Variants in SLC12A6 observed in about 807,000 individuals in gnomAD.
SLC12A6 encodes solute carrier family 12 member 6.
Under a neutral mutation model 135.3 loss-of-function variants are expected in SLC12A6, and 66 were observed. That is an observed-to-expected ratio of 0.49 (90% CI 0.40 to 0.60). The LOEUF (loss-of-function observed/expected upper bound fraction) is 0.60. Among genes scored for constraint, SLC12A6 ranks in the 20% least tolerant of loss-of-function variants. SLC12A6 has a pLI of 0.00. For missense variants in SLC12A6, 1,058 were observed against 1,452.3 expected, an observed-to-expected ratio of 0.73 and a Z score of 4.41; for synonymous variants, 513 against 508.8, an observed-to-expected ratio of 1.01 and a Z score of -0.11.
chr15:34,262,286 T>G (rs936035974), intron 3 of SLC12A6, among the ~76,000 whole-genome samples: 2 of 152,188 alleles, frequency 1.3e-5, no homozygotes, highest in African/African-American at 4.8e-5. Flanking sequence ...CACAAACCAA[T>G]GAGCATACAC....
chr15:34,264,573 C>T (rs1893365646), intron 3 of SLC12A6, among the ~76,000 whole-genome samples: 1 of 152,120 alleles, frequency 6.6e-6, no homozygotes, highest in African/African-American at 2.4e-5. Flanking sequence ...CAACTAATTG[C>T]AAATGAACAT....
At chr15:34,255,586 C>T (rs1892694358) in intron 7 of SLC12A6, among the ~76,000 whole-genome samples, 194 bp from the exon 8 acceptor site, 1 of 151,992 alleles carries the variant, frequency 6.6e-6, no homozygotes. Context: ...TACTGCACAA[C>T]TAATGTAATG....
At chr15:34,242,622 T>G (rs1891717779) in intron 16 of SLC12A6, among the ~76,000 whole-genome samples, 1 of 152,200 alleles carries the variant, frequency 6.6e-6, no homozygotes. Flanking sequence ...AAAGCCAGGA[T>G]GGGACACGCA....
At chr15:34,332,365 T>C (rs1190408254) in intron 2 of SLC12A6, among the ~76,000 whole-genome samples, 1 of 152,234 alleles carries the variant, frequency 6.6e-6, no homozygotes, top group Non-Finnish European at 1.5e-5. Context: ...TTCACCATTA[T>C]ACCATGAGAT....
intron 2 of SLC12A6, among the ~76,000 whole-genome samples, chr15:34,321,178 A>G (rs553347162): frequency 6.6e-6 from 1 of 152,336 alleles, no homozygotes; most frequent in East Asian, 1.9e-4. Context: ...GTATGTTTCA[A>G]AGAAAGAAAA....
chr15:34,289,188 C>G (rs951099718), intron 2 of SLC12A6, among the ~76,000 whole-genome samples: 2 of 152,040 alleles, frequency 1.3e-5, no homozygotes, highest in African/African-American at 4.8e-5. Context: ...AGAGTTTTTA[C>G]CATGAAAGGC....
chr15:34,269,631 G>A (rs1893773226), intron 3 of SLC12A6, among the ~76,000 whole-genome samples: 2 of 152,064 alleles, frequency 1.3e-5, no homozygotes, highest in African/African-American at 4.8e-5. Flanking sequence ...TGCCATTGAT[G>A]TGTTAAGGAA....
Position 34,270,080 on chromosome 15 carries a change from A to C in SLC12A6, c.316+5265T>G, listed in dbSNP as rs1893811442. ...GAATAATTCTTTCCCTTTACTGACC[A>C]GTTCTCAGAATAATTGGTTCACTAA... On this transcript the variant is annotated intron_variant, in intron 3 of 25. Transcript: ENST00000354181. 2.0e-5 allele frequency among the ~76,000 whole-genome samples: 3 copies of C among 149,732 alleles called. 1 individual carries two copies. Among genetic ancestry groups the C allele is most frequent in the African/African-American group, 7.7e-5 (3 of 39,114 alleles).
chr15:34,313,273 C>T (rs1039464131), intron 2 of SLC12A6, among the ~76,000 whole-genome samples: 2 of 151,762 alleles, frequency 1.3e-5, no homozygotes, highest in African/African-American at 2.4e-5. Context: ...AGTGCTATTC[C>T]AGTGAACACA....
At chr15:34,277,259 C>T (rs148748642) in intron 2 of SLC12A6, among the ~76,000 whole-genome samples, 4 of 152,124 alleles carry the variant, frequency 2.6e-5, no homozygotes, top group East Asian at 3.9e-4. Context: ...ATAGTGAGAC[C>T]GCATCTCTAT....
intron 20 of SLC12A6, 166 bp downstream of exon 20, chr15:34,238,799 G>C (rs1595404461): frequency 5.4e-6 from 4 of 737,440 alleles, no homozygotes; most frequent in South Asian, 2.9e-5. Flanking sequence ...GAAGCTGAAG[G>C]GGGTAGGTAG....
intron 3 of SLC12A6, among the ~76,000 whole-genome samples, chr15:34,265,999 T>C (rs953737832): frequency 2.2e-5 from 3 of 133,862 alleles, no homozygotes; most frequent in Non-Finnish European, 4.7e-5. Context: ...GCAGGGGTAA[T>C]ACAGAAAGCT....
At chr15:34,250,585 G>C (rs1363836796) in intron 12 of SLC12A6, 46 bp downstream of exon 12, 2 of 1,024,640 alleles carry the variant, frequency 2.0e-6, no homozygotes, top group South Asian at 2.5e-5. Context: ...AGTTCTACTG[G>C]ATGCTCCTAT....
At chr15:34,254,197 T>G in intron 9 of SLC12A6, 151 bp downstream of exon 9, 1 of 807,994 alleles carries the variant, frequency 1.2e-6, no homozygotes, top group South Asian at 1.4e-5. Flanking sequence ...GTAGGCTTCC[T>G]GCCTAGATGA....
intron 2 of SLC12A6, among the ~76,000 whole-genome samples, chr15:34,289,926 G>C (rs1895395124): frequency 6.6e-6 from 1 of 152,204 alleles, no homozygotes; most frequent in Non-Finnish European, 1.5e-5. Context: ...CAAAAAACCA[G>C]CTCCTGGATT....
chr15:34,309,795 A>T (rs2141059611), intron 2 of SLC12A6, among the ~76,000 whole-genome samples: 1 of 152,298 alleles, frequency 6.6e-6, no homozygotes, highest in African/African-American at 2.4e-5. Context: ...GCCAACTTAA[A>T]AAAAGGATAA....
intron 2 of SLC12A6, among the ~76,000 whole-genome samples, chr15:34,322,473 A>G (rs1211460061): frequency 6.6e-6 from 1 of 152,244 alleles, no homozygotes; most frequent in African/African-American, 2.4e-5. Flanking sequence ...ATTCATAATT[A>G]TATGAATTCT....
rs1214518470 is a variant in SLC12A6 at position 34,240,719 on chromosome 15, C to A, written c.2378G>T (p.Gly793Val). 1 of 1,613,934 alleles carries A rather than the reference C, an allele frequency of 6.2e-7. No individual in the cohort carries two copies. Among genetic ancestry groups the A allele is most frequent in the South Asian group, 1.1e-5 (1 of 91,084 alleles). ...TAGGAAGTTCCCCACGATGACAGAG[C>A]CCACAATAGTGAGACCTTTTCCTGC... ...LKAGKGLTIV[G>V]SVIVGNFLEN... The change falls in exon 19 of 26, where the codon GGC (glycine) becomes GTC (valine). Residue 793 changes from glycine (G) to valine (V), a missense_variant. Gly to Val is a moderately radical substitution (Grantham distance 109). Around this residue, in one of 6 missense-constraint regions of SLC12A6, gnomAD observed 31 missense variants for 24.3 expected, o/e 1.28. Transcript: ENST00000354181.
Position 34,233,160 on chromosome 15 carries a change from CCAAAAA to C in SLC12A6, c.*715_*720del. 1 of 152,260 alleles carries C rather than the reference CCAAAAA, an allele frequency of 6.6e-6. No individual in the cohort carries two copies. The highest frequency in any genetic ancestry group is 2.4e-5 in the African/African-American group (1 of 41,532). 9.4% of individuals were successfully genotyped at this position (152,260 alleles called of 1,614,324 possible). On this transcript the variant is annotated 3_prime_UTR_variant, in exon 26 of 26. Coordinates refer to ENST00000354181, the MANE Select transcript of SLC12A6 (RefSeq NM_001365088.1). Reference sequence around the variant, plus strand: ...CCTGAAAGAAATAATTTTTACCTTACCAAAAACAATTTCCATGGTAACACTGCCTGT... The same window carrying C: ...CCTGAAAGAAATAATTTTTACCTTACCAATTTCCATGGTAACACTGCCTGT...
Sources: allele counts gnomAD v4.1 joint callset (sites outside exome capture counted in the v4.1 genomes callset), GRCh38; gene constraint gnomAD v4.1.1; regional missense constraint gnomAD v4.1.1; transcripts MANE v1.5; gene names NCBI Gene and HGNC (gene_info 2026-07-23, HGNC 2026-07-21).